RORB: variants seen among roughly 807,000 people sequenced by gnomAD.
The protein encoded by RORB is nuclear receptor ROR-beta.
Under a neutral mutation model 59.1 loss-of-function variants are expected in RORB, and 6 were observed. That is an observed-to-expected ratio of 0.10 (90% CI 0.06 to 0.20). RORB has a LOEUF of 0.20. RORB is among the 10% of genes least tolerant of loss of function. The pLI, the probability that RORB is intolerant of heterozygous loss-of-function variation, is 1.00. For synonymous variants in RORB, 215 were observed against 204.5 expected (o/e 1.05, Z -0.44); for missense variants, 320 against 560.5 (o/e 0.57, Z 4.33).
At chr9:74,627,773 A>T (rs1026085044) in intron 1 of RORB, among the ~76,000 whole-genome samples, 7 of 152,094 alleles carry the variant, frequency 4.6e-5, no homozygotes, top group Non-Finnish European at 1.0e-4. Context: ...GTTATAAACA[A>T]TCCAACATTT....
In RORB at chr9:74,497,929, G is replaced by T. The variant is rs767142148; in HGVS notation, c.-48G>T. 12 of 1,608,082 alleles carry T rather than the reference G, an allele frequency of 7.5e-6. No homozygotes were observed. Among genetic ancestry groups the T allele is most frequent in the Non-Finnish European group, 1.0e-5 (12 of 1,177,432 alleles). On this transcript the variant is annotated 5_prime_UTR_variant, in exon 1 of 10. Transcript: ENST00000376896. ...GGATTTTTGGGCTCTCCGGGGTTCG[G>T]GCTGGGAGCAGCTTCATGACTACGC...
chr9:74,567,697 A>C (rs766547761), intron 1 of RORB, among the ~76,000 whole-genome samples: 2 of 152,118 alleles, frequency 1.3e-5, no homozygotes, highest in Non-Finnish European at 2.9e-5. Flanking sequence ...TCATTCTGAG[A>C]CTTTGTTCCC....
chr9:74,581,941 A>G (rs1187373318), intron 1 of RORB, among the ~76,000 whole-genome samples: 2 of 152,180 alleles, frequency 1.3e-5, no homozygotes, highest in African/African-American at 4.8e-5. Flanking sequence ...TAGCATTGCT[A>G]TTTTAGCTCT....
chr9:74,533,003 CCATAAGGCAGCA>C (rs1826270919), intron 1 of RORB, among the ~76,000 whole-genome samples: 2 of 151,604 alleles, frequency 1.3e-5, no homozygotes, highest in South Asian at 4.2e-4. Context: ...GCCCCCACTC[CCATAAGGCAGCA>C]CATCTGGAGC....
At chr9:74,552,884 T>C (rs1421428072) in intron 1 of RORB, among the ~76,000 whole-genome samples, 1 of 152,014 alleles carries the variant, frequency 6.6e-6, no homozygotes, top group Non-Finnish European at 1.5e-5. Context: ...CTGGCAGTCA[T>C]GGAAGAACTG....
At chr9:74,613,568 A>G (rs1823265554) in intron 1 of RORB, among the ~76,000 whole-genome samples, 1 of 152,126 alleles carries the variant, frequency 6.6e-6, no homozygotes, top group Non-Finnish European at 1.5e-5. Flanking sequence ...TTGGCCCCCC[A>G]CCAAACAAAT....
chr9:74,674,171 T>C (rs1266971608), intron 9 of RORB, among the ~76,000 whole-genome samples: 9 of 152,198 alleles, frequency 5.9e-5, no homozygotes, highest in Admixed American at 5.9e-4. Flanking sequence ...TATTTAAATG[T>C]GAGAGAAACT....
chr9:74,660,357 TTGAA>T (rs1210855335), intron 4 of RORB, among the ~76,000 whole-genome samples: 1 of 152,094 alleles, frequency 6.6e-6, no homozygotes, highest in Non-Finnish European at 1.5e-5. Flanking sequence ...ATAAATACCT[TTGAA>T]TGGTTTCCAA....
At chr9:74,580,611 T>C (rs1420270465) in intron 1 of RORB, among the ~76,000 whole-genome samples, 5 of 152,190 alleles carry the variant, frequency 3.3e-5, no homozygotes, top group African/African-American at 1.2e-4. Context: ...TTTTTAGGAA[T>C]ATACTTTTTT....
chr9:74,621,544 T>G (rs535640375), intron 1 of RORB, among the ~76,000 whole-genome samples: 2 of 152,258 alleles, frequency 1.3e-5, no homozygotes, highest in Non-Finnish European at 2.9e-5. Flanking sequence ...GAAGTTGCCA[T>G]AAATATTTGT....
At chr9:74,652,834 C>A (rs975253052) in intron 4 of RORB, among the ~76,000 whole-genome samples, 5 of 152,012 alleles carry the variant, frequency 3.3e-5, no homozygotes, top group Admixed American at 1.3e-4. Flanking sequence ...ATTATTGATG[C>A]CCCCAATTTC....
rs540057481 is a variant in RORB, at chr9:74,672,023, A to C, written c.1224+122A>C. ...ATTTCTGAAAGTTACCAAAGACTGC[A>C]TAAATTGTGAGGTATGCAATTTAAA... On this transcript the variant is annotated intron_variant, in intron 9 of 9. Transcript: ENST00000376896. 4 of 584,780 alleles carry C rather than the reference A, an allele frequency of 6.8e-6. No individual in the cohort carries two copies. The South Asian group carries it at 9.3e-5, about 14-fold the overall frequency. The allele number at this position is 584,780 out of a possible 1,614,324, so 36.2% of individuals were successfully genotyped here.
chr9:74,523,875 C>T (rs1226211675), intron 1 of RORB, among the ~76,000 whole-genome samples: 1 of 151,776 alleles, frequency 6.6e-6, no homozygotes, highest in East Asian at 1.9e-4. Context: ...TGTTTGGGTT[C>T]ATAGTCAGTC....
intron 1 of RORB, among the ~76,000 whole-genome samples, chr9:74,508,745 A>C (rs560839705): frequency 1.4e-4 from 21 of 152,170 alleles, no homozygotes; most frequent in Non-Finnish European, 2.2e-4. Flanking sequence ...GTTCCATTTG[A>C]ATTTCTCAAA....
intron 1 of RORB, among the ~76,000 whole-genome samples, chr9:74,606,709 G>C (rs1563950944): frequency 6.6e-6 from 1 of 152,186 alleles, no homozygotes; most frequent in Non-Finnish European, 1.5e-5. Flanking sequence ...CACTGGTTTT[G>C]GAACAGAGCT....
intron 1 of RORB, among the ~76,000 whole-genome samples, chr9:74,552,088 GTTC>G (rs533564077): frequency 5.9e-5 from 9 of 152,192 alleles, no homozygotes; most frequent in South Asian, 2.1e-4. Context: ...AGAGGTTACA[GTTC>G]TTCTATAGGT....
chr9:74,660,809 T>C (rs1393592705), intron 5 of RORB, 71 bp downstream of exon 5: 1 of 1,484,720 alleles, frequency 6.7e-7, no homozygotes, highest in Non-Finnish European at 9.1e-7. Context: ...CTCAGCACTA[T>C]TGGCATGTTG....
At chr9:74,585,540 CCTT>C (rs1425479109) in intron 1 of RORB, among the ~76,000 whole-genome samples, 1 of 152,194 alleles carries the variant, frequency 6.6e-6, no homozygotes, top group Admixed American at 6.5e-5. Context: ...GTCCTCTCCT[CCTT>C]CTGAATTCTG....
chr9:74,519,302 G>A (rs2118063862), intron 1 of RORB, among the ~76,000 whole-genome samples: 1 of 152,108 alleles, frequency 6.6e-6, no homozygotes, highest in South Asian at 2.1e-4. Flanking sequence ...GAAGTATTTA[G>A]AGAAGTCAGG....
Sources: allele counts gnomAD v4.1 joint callset (sites outside exome capture counted in the v4.1 genomes callset), GRCh38; gene constraint gnomAD v4.1.1; transcripts MANE v1.5; gene names NCBI Gene and HGNC (gene_info 2026-07-23, HGNC 2026-07-21).